Variants in IGF2BP3 observed in about 807,000 individuals in gnomAD.
IGF2BP3 encodes insulin-like growth factor 2 mRNA-binding protein 3.
In IGF2BP3, 9 loss-of-function variants were observed where a neutral mutation model predicts 73.8. The observed-to-expected ratio is 0.12, with a 90% CI of 0.07 to 0.21. IGF2BP3 has a LOEUF of 0.21. Among genes scored for constraint, IGF2BP3 ranks in the 10% least tolerant of loss-of-function variants. IGF2BP3 has a pLI of 1.00. For missense variants in IGF2BP3, 542 were observed against 714.0 expected, an observed-to-expected ratio of 0.76 and a Z score of 2.75; for synonymous variants, 258 against 256.7, an observed-to-expected ratio of 1.01 and a Z score of -0.05.
intron 2 of IGF2BP3, among the ~76,000 whole-genome samples, chr7:23,456,820 C>A (rs1432808920): frequency 2.6e-5 from 4 of 152,150 alleles, no homozygotes; most frequent in Admixed American, 2.6e-4. Context: ...GAGGCCGCGG[C>A]GAGGGGATCA....
chr7:23,347,894 C>T lies in IGF2BP3; in HGVS notation c.684-160G>A, dbSNP rs564528388. 2.7e-5 allele frequency: 18 copies of T among 665,088 alleles called. No individual in the cohort carries two copies. In the South Asian group the frequency reaches 4.2e-4, roughly 15 times the overall value. 41.2% of individuals were successfully genotyped at this position (665,088 alleles called of 1,614,324 possible). A position where few individuals can be genotyped will look rare whatever the true frequency, so the allele number is the denominator to read the frequency against. On this transcript the variant is annotated intron_variant, in intron 6 of 14. Transcript: ENST00000258729. ...TTTCAATAAGCTGTCAACATTAATG[C>T]CTTAAGAGGCAAATTTTAATTCTAG...
At chr7:23,396,291 C>T (rs138412410) in intron 3 of IGF2BP3, among the ~76,000 whole-genome samples, 2 of 152,024 alleles carry the variant, frequency 1.3e-5, no homozygotes, top group Non-Finnish European at 2.9e-5. Flanking sequence ...ACCTATAGCC[C>T]CAGCACTTTG....
chr7:23,389,131 A>C (rs1433755939), intron 3 of IGF2BP3, among the ~76,000 whole-genome samples: 1 of 151,696 alleles, frequency 6.6e-6, no homozygotes, highest in Non-Finnish European at 1.5e-5. Context: ...AGTTGTTATA[A>C]ATCAGAACAA....
chr7:23,448,282 T>C (rs533442293), intron 2 of IGF2BP3, among the ~76,000 whole-genome samples: 3 of 152,362 alleles, frequency 2.0e-5, no homozygotes, highest in South Asian at 2.1e-4. Flanking sequence ...GGTATCAACA[T>C]GTAGGGTTCA....
At position 23,319,270 on chromosome 7, in the gene IGF2BP3, G is replaced by C. The variant is rs776346471; in HGVS notation, c.1204-16C>G. The C allele has an allele frequency of 2.6e-6, 4 of 1,517,182 alleles. No homozygotes were observed. The Admixed American group carries it at 7.0e-5, about 26-fold the overall frequency. The allele number at this position is 1,517,182 out of a possible 1,614,324, so 94.0% of individuals were successfully genotyped here. A position where few individuals can be genotyped will look rare whatever the true frequency, so the allele number is the denominator to read the frequency against. The stretch of plus-strand genomic sequence containing the variant: ...TTTCTGATTGCTGTTAGAAAAGAAA[G>C]CCAGGACACCCATGTTTATTTGCTA... On this transcript the variant is annotated splice_polypyrimidine_tract_variant and intron_variant, in intron 10 of 14. Transcript: ENST00000258729.
At chr7:23,377,120 T>C (rs1041367675) in intron 3 of IGF2BP3, among the ~76,000 whole-genome samples, 1 of 150,580 alleles carries the variant, frequency 6.6e-6, no homozygotes, top group African/African-American at 2.4e-5. Flanking sequence ...AAAAAAAAAC[T>C]GTGCTAAAAA....
chr7:23,378,147 A>T (rs1239263529), intron 3 of IGF2BP3, among the ~76,000 whole-genome samples: 1 of 152,226 alleles, frequency 6.6e-6, no homozygotes, highest in Non-Finnish European at 1.5e-5. Context: ...TGTTTAAAAC[A>T]GGATATAAAA....
intron 10 of IGF2BP3, among the ~76,000 whole-genome samples, chr7:23,332,276 A>G (rs1784464285): frequency 6.6e-6 from 1 of 152,142 alleles, no homozygotes; most frequent in Non-Finnish European, 1.5e-5. Context: ...CCAAAATTCA[A>G]TTCATCATCT....
At chr7:23,398,260 G>A (rs1786542431) in intron 3 of IGF2BP3, among the ~76,000 whole-genome samples, 1 of 152,154 alleles carries the variant, frequency 6.6e-6, no homozygotes, top group Admixed American at 6.5e-5. Context: ...TTTTATGGCT[G>A]CATAGTATTC....
intron 3 of IGF2BP3, among the ~76,000 whole-genome samples, chr7:23,401,719 T>C (rs1365352677): frequency 6.6e-6 from 1 of 151,448 alleles, no homozygotes; most frequent in Non-Finnish European, 1.5e-5. Context: ...GAGCCAAGAT[T>C]GCACCACTGC....
intron 2 of IGF2BP3, among the ~76,000 whole-genome samples, chr7:23,457,936 A>T (rs1472882775): frequency 1.3e-5 from 2 of 152,208 alleles, no homozygotes; most frequent in Admixed American, 1.3e-4. Flanking sequence ...ATTGTAAATT[A>T]AAAACACACC....
chr7:23,344,588 C>T (rs1028073335), intron 8 of IGF2BP3, among the ~76,000 whole-genome samples: 1 of 152,228 alleles, frequency 6.6e-6, no homozygotes, highest in Non-Finnish European at 1.5e-5. Context: ...AACACCTAAG[C>T]CTATGCTGGT....
At chr7:23,365,000 T>G (rs1785333449) in intron 3 of IGF2BP3, among the ~76,000 whole-genome samples, 1 of 152,060 alleles carries the variant, frequency 6.6e-6, no homozygotes. Flanking sequence ...ACCCCATACC[T>G]ACTAAACATA....
intron 2 of IGF2BP3, among the ~76,000 whole-genome samples, chr7:23,433,835 G>A (rs1787745867): frequency 6.6e-6 from 1 of 152,150 alleles, no homozygotes; most frequent in African/African-American, 2.4e-5. Context: ...AGCACTTTGG[G>A]AGGCCGAGGC....
chr7:23,385,240 G>A (rs1786044799), intron 3 of IGF2BP3, among the ~76,000 whole-genome samples: 1 of 152,174 alleles, frequency 6.6e-6, no homozygotes, highest in African/African-American at 2.4e-5. Context: ...TGTACTTCCT[G>A]ACAGAAGTCT....
intron 3 of IGF2BP3, among the ~76,000 whole-genome samples, chr7:23,380,289 G>T (rs111342539): frequency 6.7e-6 from 1 of 149,674 alleles, no homozygotes; most frequent in Non-Finnish European, 1.5e-5. Flanking sequence ...TCAGCCTCCC[G>T]AGTACTAGGA....
At chr7:23,313,451 C>T (rs1263863498) in intron 13 of IGF2BP3, 71 bp downstream of exon 13, 3 of 1,523,592 alleles carry the variant, frequency 2.0e-6, no homozygotes, top group Non-Finnish European at 2.6e-6. Context: ...AATTCGGGGA[C>T]TTGGAACTCC....
intron 3 of IGF2BP3, among the ~76,000 whole-genome samples, chr7:23,390,698 A>G (rs1786243992): frequency 6.6e-6 from 1 of 152,092 alleles, no homozygotes; most frequent in South Asian, 2.1e-4. Context: ...TATAGGCAGC[A>G]CAGGAATGCC....
chr7:23,397,417 G>T (rs769001229), intron 3 of IGF2BP3, among the ~76,000 whole-genome samples: 2 of 152,190 alleles, frequency 1.3e-5, no homozygotes, highest in East Asian at 1.9e-4. Flanking sequence ...CCTGAGACAG[G>T]AGCCATGAAC....
Sources: allele counts gnomAD v4.1 joint callset (sites outside exome capture counted in the v4.1 genomes callset), GRCh38; gene constraint gnomAD v4.1.1; transcripts MANE v1.5; gene names NCBI Gene and HGNC (gene_info 2026-07-23, HGNC 2026-07-21).